Variants in VSTM4 observed in about 807,000 individuals in gnomAD.
The protein encoded by VSTM4 is V-set and transmembrane domain-containing protein 4.
In VSTM4, 20 loss-of-function variants were observed where a neutral mutation model predicts 36.4. The ratio of observed to expected loss-of-function variants is 0.55; its 90% CI spans 0.39 to 0.80. VSTM4 has a LOEUF of 0.80. Ranked by LOEUF, VSTM4 falls within the 30% of genes least tolerant of loss-of-function variation. The pLI, the probability that VSTM4 is intolerant of heterozygous loss-of-function variation, is 0.00. For missense variants in VSTM4, 392 were observed against 404.5 expected, an observed-to-expected ratio of 0.97 and a Z score of 0.26; for synonymous variants, 182 against 173.9, an observed-to-expected ratio of 1.05 and a Z score of -0.37.
chr10:49,105,828 CAT>C (rs35431054), intron 2 of VSTM4, among the ~76,000 whole-genome samples: 13,756 of 143,034 alleles, frequency 0.096, 844 homozygotes, highest in South Asian at 0.23. Context: ...ACACACGTAT[CAT>C]ATGTGTGTGT....
intron 2 of VSTM4, among the ~76,000 whole-genome samples, chr10:49,105,231 G>C (rs1190688812): frequency 2.7e-5 from 4 of 148,934 alleles, no homozygotes; most frequent in African/African-American, 4.9e-5. Flanking sequence ...GAGAGAGAGA[G>C]AGAGACAGAG....
chr10:49,052,808 T>C lies in VSTM4; in HGVS notation c.669-4224A>G, dbSNP rs557191857. On this transcript the variant is annotated intron_variant, in intron 5 of 7. Transcript: ENST00000332853. ...ATTTTTGTGCACTTATAACATTATGTTCAGGGATTTCCTTAAGGTGGAGAA... is the reference window on the plus strand; with the variant it reads ...ATTTTTGTGCACTTATAACATTATGCTCAGGGATTTCCTTAAGGTGGAGAA... Among the ~76,000 whole-genome samples, 4 of 152,322 alleles carry C rather than the reference T, an allele frequency of 2.6e-5. No individual in the cohort carries two copies. The East Asian group carries it at 5.8e-4, about 22-fold the overall frequency.
intron 3 of VSTM4, among the ~76,000 whole-genome samples, chr10:49,078,211 G>A (rs1015850029): frequency 2.0e-5 from 3 of 152,172 alleles, no homozygotes; most frequent in African/African-American, 7.2e-5. Context: ...CGTGGCTGGT[G>A]GGAATGTAAA....
intron 5 of VSTM4, among the ~76,000 whole-genome samples, chr10:49,062,147 C>T (rs1461564670): frequency 6.6e-6 from 1 of 152,184 alleles, no homozygotes; most frequent in Non-Finnish European, 1.5e-5. Flanking sequence ...GCCTCACTCA[C>T]TTTTAAACAG....
intron 5 of VSTM4, among the ~76,000 whole-genome samples, chr10:49,061,357 A>G (rs139550060): frequency 1.3e-5 from 2 of 152,030 alleles, no homozygotes; most frequent in African/African-American, 4.8e-5. Context: ...TTGTTTTTTT[A>G]CTGTTGGTTA....
In VSTM4 at chr10:49,047,038, A is replaced by C; in HGVS notation, c.782T>G (p.Ile261Arg). Reference sequence around the variant, plus strand: ...CTTCGGTTTATGGAACGTGGGGGCTATCGGAGCTGTGGAAGTAGGTCAAGG... The same window carrying C: ...CTTCGGTTTATGGAACGTGGGGGCTCTCGGAGCTGTGGAAGTAGGTCAAGG... ...IPPAVPAKAP[I>R]APTFHKPKLL... The change falls in exon 7 of 8, where the codon ATA becomes AGA. Residue 261 changes from isoleucine to arginine, a missense_variant. Ile to Arg is a moderately conservative substitution (Grantham distance 97). Coordinates refer to ENST00000332853, the MANE Select transcript of VSTM4 (RefSeq NM_001031746.5). 6.2e-7 allele frequency: 1 copy of C among 1,614,200 alleles called. No homozygotes were observed. The highest frequency in any genetic ancestry group is 8.5e-7 in the Non-Finnish European group (1 of 1,180,036).
chr10:49,067,199 A>C (rs1187026338), intron 4 of VSTM4, among the ~76,000 whole-genome samples: 7 of 146,948 alleles, frequency 4.8e-5, no homozygotes, highest in African/African-American at 1.9e-4. Flanking sequence ...GATGTCAACA[A>C]AAAAATGATT....
At chr10:49,059,694 C>T (rs1318659604) in intron 5 of VSTM4, among the ~76,000 whole-genome samples, 1 of 152,080 alleles carries the variant, frequency 6.6e-6, no homozygotes, top group African/African-American at 2.4e-5. Context: ...CTTATTGGGA[C>T]ATATGCTTGA....
At chr10:49,068,596 C>T (rs1407522417) in intron 4 of VSTM4, among the ~76,000 whole-genome samples, 1 of 152,168 alleles carries the variant, frequency 6.6e-6, no homozygotes, top group African/African-American at 2.4e-5. Flanking sequence ...GGTTTACAGG[C>T]ACCTGAGAAA....
At chr10:49,055,766 C>G (rs1184458258) in intron 5 of VSTM4, among the ~76,000 whole-genome samples, 1 of 152,206 alleles carries the variant, frequency 6.6e-6, no homozygotes, top group Non-Finnish European at 1.5e-5. Context: ...TCACAGGGAC[C>G]CTTTGAAATG....
chr10:49,087,007 T>C (rs1187612872), intron 2 of VSTM4, among the ~76,000 whole-genome samples: 2 of 152,228 alleles, frequency 1.3e-5, no homozygotes, highest in Non-Finnish European at 2.9e-5. Context: ...AGAACTTAAA[T>C]TCGATTTACT....
intron 2 of VSTM4, among the ~76,000 whole-genome samples, chr10:49,104,292 A>G (rs1489852314): frequency 1.3e-5 from 2 of 150,976 alleles, no homozygotes; most frequent in Admixed American, 1.3e-4. Context: ...GAGCAAGGAG[A>G]CTCTGTCTCA....
chr10:49,062,717 C>G (rs140549507), intron 5 of VSTM4, among the ~76,000 whole-genome samples: 2 of 152,324 alleles, frequency 1.3e-5, no homozygotes, highest in East Asian at 3.9e-4. Context: ...TCCTCTCCTT[C>G]TGGAACTCTG....
At chr10:49,095,850 C>A (rs1564592901) in intron 2 of VSTM4, among the ~76,000 whole-genome samples, 1 of 152,170 alleles carries the variant, frequency 6.6e-6, no homozygotes, top group Non-Finnish European at 1.5e-5. Flanking sequence ...GGAGGGCAGG[C>A]ATCAAACATC....
At chr10:49,113,822 G>C (rs1295547009) in intron 1 of VSTM4, among the ~76,000 whole-genome samples, 1 of 152,142 alleles carries the variant, frequency 6.6e-6, no homozygotes, top group Non-Finnish European at 1.5e-5. Flanking sequence ...GAGGCACTTA[G>C]AAAAGTGGGT....
At chr10:49,071,558 C>T (rs1036210595) in intron 4 of VSTM4, among the ~76,000 whole-genome samples, 3 of 152,230 alleles carry the variant, frequency 2.0e-5, no homozygotes, top group African/African-American at 7.2e-5. Context: ...AGAGGCAAAG[C>T]AGTGCCAGGC....
intron 1 of VSTM4, among the ~76,000 whole-genome samples, chr10:49,109,709 T>TGGATG (rs1844857726): frequency 6.6e-6 from 1 of 152,194 alleles, no homozygotes; most frequent in African/African-American, 2.4e-5. Context: ...GACTCTCCGC[T>TGGATG]GGATGGGTAT....
At chr10:49,058,758 C>G (rs560862088) in intron 5 of VSTM4, among the ~76,000 whole-genome samples, 3 of 152,234 alleles carry the variant, frequency 2.0e-5, no homozygotes, top group Non-Finnish European at 2.9e-5. Context: ...GTGACCGCAG[C>G]CTCAGAGCCA....
rs778133420 is a variant in VSTM4, at chr10:49,019,786, A to AAAAAC, written c.838-16_838-12dup. On this transcript the variant is annotated splice_polypyrimidine_tract_variant and intron_variant, in intron 7 of 7. Coordinates refer to ENST00000332853, the MANE Select transcript of VSTM4 (RefSeq NM_001031746.5). ...CTCAGCAATCTTTGGCTATAAAAGAAAAAACAAAACAAAACACAATTCTAG... is the reference window on the plus strand; with the variant it reads ...CTCAGCAATCTTTGGCTATAAAAGAAAAAACAAAACAAAACAAAACACAATTCTAG... The AAAAAC allele has an allele frequency of 1.9e-6, 3 of 1,607,706 alleles. No homozygotes were observed. Among genetic ancestry groups the AAAAAC allele is most frequent in the African/African-American group, 2.7e-5 (2 of 74,630 alleles).
Sources: allele counts gnomAD v4.1 joint callset (sites outside exome capture counted in the v4.1 genomes callset), GRCh38; gene constraint gnomAD v4.1.1; transcripts MANE v1.5; gene names NCBI Gene and HGNC (gene_info 2026-07-23, HGNC 2026-07-21).